Variants in FGF14 observed in about 807,000 individuals in gnomAD.
FGF14 encodes fibroblast growth factor homologous factor 4.
A neutral mutation model predicts 25.5 loss-of-function variants in FGF14; 5 were observed. The observed-to-expected ratio is 0.20, with a 90% CI of 0.10 to 0.41. The LOEUF (loss-of-function observed/expected upper bound fraction) is 0.41, where lower values mean the gene tolerates loss of function less well. FGF14 is among the 10% of genes least tolerant of loss of function. FGF14 has a pLI of 1.00. For synonymous variants in FGF14, 138 were observed against 118.3 expected, an observed-to-expected ratio of 1.17 and a Z score of -1.08; for missense variants, 222 against 320.1, an observed-to-expected ratio of 0.69 and a Z score of 2.34.
intron 3 of FGF14, among the ~76,000 whole-genome samples, chr13:101,756,967 T>C (rs1338049650): frequency 6.6e-6 from 1 of 152,208 alleles, no homozygotes; most frequent in Admixed American, 6.5e-5. Context: ...TGAGTTGAAA[T>C]TTTAAGTACT....
rs140777328 is a variant in FGF14, at chr13:101,713,000, C to A, written c.*9831G>T. The A allele has an allele frequency of 1.3e-5, 2 of 152,192 alleles. No individual in the cohort carries two copies. Among genetic ancestry groups the A allele is most frequent in the East Asian group, 3.9e-4 (2 of 5,182 alleles). 9.4% of individuals were successfully genotyped at this position (152,192 alleles called of 1,614,324 possible). Reference sequence around the variant, plus strand: ...CAAGAGCATGCAAATCAACCTGGACCCTCAGGAAAACAAGTCAAGACTAAA... The same window carrying A: ...CAAGAGCATGCAAATCAACCTGGACACTCAGGAAAACAAGTCAAGACTAAA... On this transcript the variant is annotated 3_prime_UTR_variant, in exon 5 of 5. Transcript: ENST00000376143.
intron 1 of FGF14, among the ~76,000 whole-genome samples, chr13:101,881,433 T>C (rs1486974320): frequency 6.6e-6 from 1 of 152,200 alleles, no homozygotes; most frequent in Non-Finnish European, 1.5e-5. Context: ...AGATGAATAA[T>C]TGTATGATAA....
At chr13:101,822,631 A>G (rs1441694506) in intron 3 of FGF14, among the ~76,000 whole-genome samples, 1 of 152,184 alleles carries the variant, frequency 6.6e-6, no homozygotes. Flanking sequence ...TTTATGGAGT[A>G]CATATGATAT....
intron 1 of FGF14, among the ~76,000 whole-genome samples, chr13:102,340,015 T>A (rs559089645): frequency 6.6e-6 from 1 of 152,312 alleles, no homozygotes; most frequent in African/African-American, 2.4e-5. Context: ...AGCCTACTAG[T>A]GTTTGGATAA....
chr13:102,147,939 A>G lies in FGF14; in HGVS notation c.208+253532T>C, dbSNP rs9585856. The stretch of plus-strand genomic sequence containing the variant: ...TAGAGAACTTCTTATGCACACACAC[A>G]TAAGTAATAATTACTCTTCAAAATT... On this transcript the variant is annotated intron_variant, in intron 1 of 4. Coordinates refer to the FGF14 transcript ENST00000376131. Among the ~76,000 whole-genome samples, 709 of 152,348 alleles carry G rather than the reference A, an allele frequency of 4.7e-3. 6 individuals are homozygous for G. Among genetic ancestry groups the G allele is most frequent in the African/African-American group, 0.015 (622 of 41,582 alleles).
chr13:101,908,600 C>G (rs1415505942), intron 1 of FGF14, among the ~76,000 whole-genome samples: 1 of 152,094 alleles, frequency 6.6e-6, no homozygotes. Context: ...AGGATACAAA[C>G]AAATGGAAGA....
intron 1 of FGF14, among the ~76,000 whole-genome samples, chr13:101,997,428 T>A (rs1695103379): frequency 6.6e-6 from 1 of 152,186 alleles, no homozygotes. Flanking sequence ...CTAAATTAAA[T>A]AAAATTATTA....
chr13:102,122,129 C>T (rs2045754065), intron 1 of FGF14, among the ~76,000 whole-genome samples: 1 of 152,130 alleles, frequency 6.6e-6, no homozygotes, highest in African/African-American at 2.4e-5. Flanking sequence ...GATTAAAAAG[C>T]AACTTAATTT....
At chr13:101,749,766 A>G (rs1289298009) in intron 3 of FGF14, among the ~76,000 whole-genome samples, 1 of 152,132 alleles carries the variant, frequency 6.6e-6, no homozygotes, top group Non-Finnish European at 1.5e-5. Context: ...ATACAGTCCA[A>G]CTGAGAGCTT....
intron 1 of FGF14, among the ~76,000 whole-genome samples, chr13:102,210,625 G>C (rs2050117176): frequency 6.6e-6 from 1 of 152,106 alleles, no homozygotes; most frequent in African/African-American, 2.4e-5. Flanking sequence ...GCTACTTATT[G>C]TTATAAATGG....
intron 1 of FGF14, among the ~76,000 whole-genome samples, chr13:102,118,396 G>A (rs2045570091): frequency 8.2e-6 from 1 of 121,784 alleles, no homozygotes; most frequent in African/African-American, 3.3e-5. Flanking sequence ...TTTGACAACG[G>A]ACCAAGAAAA....
intron 1 of FGF14, among the ~76,000 whole-genome samples, chr13:102,011,413 G>A (rs1027680978): frequency 2.0e-5 from 3 of 152,140 alleles, no homozygotes; most frequent in Non-Finnish European, 4.4e-5. Context: ...TCATAGCTGA[G>A]AGCATAGAGA....
chr13:102,342,894 T>A (rs1403440438), intron 1 of FGF14, among the ~76,000 whole-genome samples: 5 of 152,190 alleles, frequency 3.3e-5, no homozygotes, highest in African/African-American at 1.2e-4. Context: ...TAAAGTATTT[T>A]CTTCTGTAGG....
intron 1 of FGF14, among the ~76,000 whole-genome samples, chr13:101,899,681 G>T (rs1419177102): frequency 4.0e-5 from 6 of 151,850 alleles, no homozygotes; most frequent in Admixed American, 6.6e-5. Context: ...ACATGAAAGT[G>T]AAAAGCAATA....
In FGF14 at chr13:101,819,066, T is replaced by C. The variant is rs748246043; in HGVS notation, c.408+49659A>G. Among the ~76,000 whole-genome samples the C allele has an allele frequency of 2.0e-5, 3 of 148,200 alleles. No individual in the cohort carries two copies. The South Asian group carries it at 6.2e-4, about 31-fold the overall frequency. On this transcript the variant is annotated intron_variant, in intron 3 of 4. Transcript: ENST00000376143. ...AGCCACTTATTGAGCATTTACTGTA[T>C]ACCCAGTGCTTTGTACCCAGTCAAT...
rs190079953 is a variant in FGF14, at chr13:101,798,695, G to A, written c.408+70030C>T. On this transcript the variant is annotated intron_variant, in intron 3 of 4. Coordinates refer to ENST00000376143, the MANE Select transcript of FGF14 (RefSeq NM_004115.4). Reference sequence around the variant, plus strand: ...ACATCTTGCGAGTTGCCATTTTAAGGGCTGTGTGGAATCATGGGTTGCATT... The same window carrying A: ...ACATCTTGCGAGTTGCCATTTTAAGAGCTGTGTGGAATCATGGGTTGCATT... 1.2e-3 allele frequency among the ~76,000 whole-genome samples: 185 copies of A among 152,170 alleles called. 1 individual carries two copies. Among genetic ancestry groups the A allele is most frequent in the African/African-American group, 4.3e-3 (179 of 41,534 alleles).
intron 1 of FGF14, among the ~76,000 whole-genome samples, chr13:102,007,321 G>A (rs1724839378): frequency 6.6e-6 from 1 of 152,182 alleles, no homozygotes; most frequent in Non-Finnish European, 1.5e-5. Context: ...AATGCTTTAT[G>A]TATAGTGTAT....
chr13:102,101,938 G>T (rs763956206), intron 1 of FGF14, among the ~76,000 whole-genome samples: 37 of 152,042 alleles, frequency 2.4e-4, no homozygotes, highest in Non-Finnish European at 4.9e-4. Context: ...CCTGACCTCA[G>T]GTGATCCACC....
chr13:102,092,618 C>T (rs755044292), intron 1 of FGF14, among the ~76,000 whole-genome samples: 1 of 145,770 alleles, frequency 6.9e-6, no homozygotes, highest in Non-Finnish European at 1.5e-5. Context: ...AATTCTTAGC[C>T]CCTATAAACA....
Sources: gnomAD v4.1 joint callset for allele counts (sites outside exome capture counted in the v4.1 genomes callset) on GRCh38, gnomAD v4.1.1 for gene constraint, MANE v1.5 for transcripts, NCBI Gene and HGNC (gene_info 2026-07-23, HGNC 2026-07-21) for gene names.